Variants in MAP3K10 observed in about 807,000 individuals in gnomAD.
MAP3K10 encodes MKN28 derived nonreceptor_type serine/threonine kinase.
In MAP3K10, 22 loss-of-function variants were observed where a neutral mutation model predicts 75.0. That is an observed-to-expected ratio of 0.29 (90% CI 0.21 to 0.42). The LOEUF (loss-of-function observed/expected upper bound fraction) is 0.42. Among genes scored for constraint, MAP3K10 ranks in the 10% least tolerant of loss-of-function variants. The pLI, the probability that MAP3K10 is intolerant of heterozygous loss-of-function variation, is 1.00. For missense variants in MAP3K10, 1,165 were observed against 1,379.8 expected (o/e 0.84, Z 2.47); for synonymous variants, 599 against 612.9 (o/e 0.98, Z 0.34).
In MAP3K10 at chr19:40,201,490, GC is replaced by G. The variant is rs1397694353; in HGVS notation, c.863+2937del. On this transcript the variant is annotated intron_variant, in intron 2 of 9. Coordinates refer to ENST00000253055, the MANE Select transcript of MAP3K10 (RefSeq NM_002446.4). ...TTACAGGCGTCAGCCACCGCACCCA[GC>G]CTTTTTTTTTTTTTTTTTTTTAACA... Among the ~76,000 whole-genome samples the G allele has an allele frequency of 6.8e-5, 7 of 102,812 alleles. No homozygotes were observed. The East Asian group carries it at 2.0e-3, about 30-fold the overall frequency. The allele number at this position is 102,812 out of a possible 152,430, so 67.4% of individuals were successfully genotyped here.
In MAP3K10 at chr19:40,213,404, T is replaced by A. The variant is rs1973277590; in HGVS notation, c.1838-113T>A. 9 of 1,495,632 alleles carry A rather than the reference T, an allele frequency of 6.0e-6. No homozygotes were observed. In the South Asian group the frequency reaches 1.0e-4, roughly 17 times the overall value. 92.6% of individuals were successfully genotyped at this position (1,495,632 alleles called of 1,614,324 possible). On this transcript the variant is annotated intron_variant, in intron 8 of 9. Transcript: ENST00000253055. This position sits in a 1 kb window ranked among gnomAD's most constrained non-coding sequence, Gnocchi z 5.7. ...CTGGAGACAGATTCAAGAACGATGC[T>A]CGTGGGTCTTGGTCTTGCTGTTGGA...
At chr19:40,210,920 G>A (rs1206215999) in intron 6 of MAP3K10, among the ~76,000 whole-genome samples, 3 of 152,158 alleles carry the variant, frequency 2.0e-5, no homozygotes, top group African/African-American at 7.2e-5. Flanking sequence ...TCTTTACTCA[G>A]TCCACTGATT....
chr19:40,202,861 G>C (rs1973052103), intron 2 of MAP3K10, among the ~76,000 whole-genome samples: 1 of 152,076 alleles, frequency 6.6e-6, no homozygotes, highest in South Asian at 2.1e-4. Context: ...CCAGAACTGT[G>C]GTCATGTGGC....
rs956751297 is a variant in MAP3K10 at position 40,205,547 on chromosome 19, G to A, written c.1188+251G>A. The A allele has an allele frequency of 2.0e-5, 11 of 554,564 alleles. No individual in the cohort carries two copies. The highest frequency in any genetic ancestry group is 3.2e-5 in the Non-Finnish European group (10 of 312,464). 34.4% of individuals were successfully genotyped at this position (554,564 alleles called of 1,614,324 possible). ...GGCTTTAAAATACTACAGCAGAAAC[G>A]AAGAGAGGGCAAGAGGAGAGAAGGA... On this transcript the variant is annotated intron_variant, in intron 4 of 9. Coordinates refer to ENST00000253055, the MANE Select transcript of MAP3K10 (RefSeq NM_002446.4). This position sits in a 1 kb window ranked among gnomAD's most constrained non-coding sequence, Gnocchi z 4.3.
Position 40,213,998 on chromosome 19 carries a change from G to GCCCAGCCCCCCCCCCCCCCCCCCCC in MAP3K10, c.2322_2323insAGCCCCCCCCCCCCCCCCCCCCCCC (p.Ser779ProfsTer81). 6 of 1,521,826 alleles carry GCCCAGCCCCCCCCCCCCCCCCCCCC rather than the reference G, an allele frequency of 3.9e-6. No homozygotes were observed. Among genetic ancestry groups the GCCCAGCCCCCCCCCCCCCCCCCCCC allele is most frequent in the East Asian group, 2.5e-5 (1 of 39,526 alleles). The allele number at this position is 1,521,826 out of a possible 1,614,324, so 94.3% of individuals were successfully genotyped here. A position where few individuals can be genotyped will look rare whatever the true frequency, so the allele number is the denominator to read the frequency against. ...ACAGTGACGAGGCCGCACCGGCCGC[G>GCCCAGCCCCCCCCCCCCCCCCCCCC]CCCTCCCCACCACCCTCCCCGCCCG... On this transcript the variant is annotated frameshift_variant, in exon 9 of 10. Transcript: ENST00000253055. LOFTEE classifies it high-confidence loss of function. The surrounding 1 kb of genome is among the most constrained non-coding windows in gnomAD (Gnocchi z 5.7).
Position 40,214,006 on chromosome 19 carries a change from C to CGCCCGCG in MAP3K10, c.2327_2328insGCCCGCG (p.Pro778AlafsTer76). On this transcript the variant is annotated frameshift_variant, in exon 9 of 10. Coordinates refer to ENST00000253055, the MANE Select transcript of MAP3K10 (RefSeq NM_002446.4). LOFTEE classifies it high-confidence loss of function. ...GAGGCCGCACCGGCCGCGCCCTCCC[C>CGCCCGCG]ACCACCCTCCCCGCCCGCGCCCACA... is the stretch of plus-strand genomic sequence containing the variant. 6.6e-7 allele frequency: 1 copy of CGCCCGCG among 1,505,084 alleles called. No individual in the cohort carries two copies. Among genetic ancestry groups the CGCCCGCG allele is most frequent in the African/African-American group, 1.4e-5 (1 of 69,142 alleles). 93.2% of individuals were successfully genotyped at this position (1,505,084 alleles called of 1,614,324 possible).
In MAP3K10 at chr19:40,214,093, A is replaced by G; in HGVS notation, c.2414A>G (p.Asp805Gly). 1.3e-6 allele frequency: 2 copies of G among 1,510,092 alleles called. No homozygotes were observed. Among genetic ancestry groups the G allele is most frequent in the Non-Finnish European group, 1.8e-6 (2 of 1,133,480 alleles). 93.5% of individuals were successfully genotyped at this position (1,510,092 alleles called of 1,614,324 possible). A position where few individuals can be genotyped will look rare whatever the true frequency, so the allele number is the denominator to read the frequency against. The change falls in exon 9 of 10, where the codon GAC becomes GGC. Residue 805 changes from aspartate to glycine, a missense_variant. Physicochemically the swap from Asp to Gly is moderately conservative, Grantham distance 94. Coordinates refer to ENST00000253055, the MANE Select transcript of MAP3K10 (RefSeq NM_002446.4). ...CTGGAGCTGGAGAGCTTCAAGAAGG[A>G]CCCCCGCCAGTCGCTCACGCCCACC... ...VDLELESFKK[D>G]PRQSLTPTHV...
In MAP3K10 at chr19:40,215,206, G is replaced by C. The variant is rs200643469; in HGVS notation, c.2779G>C (p.Val927Leu). 1 of 1,579,102 alleles carries C rather than the reference G, an allele frequency of 6.3e-7. No homozygotes were observed. The highest frequency in any genetic ancestry group is 8.6e-7 in the Non-Finnish European group (1 of 1,163,462). ...DTPESPGPPS[V>L]QPTLLDMDME... ...TCCGGAGAGCCCTGGGCCCCCCAGC[G>C]TGCAGCCCACACTGCTGGACATGGA... is the stretch of plus-strand genomic sequence containing the variant. The change falls in exon 10 of 10, where the codon GTG (valine) becomes CTG (leucine). Residue 927 changes from valine to leucine, a missense_variant. By Grantham distance (32) the Val-to-Leu change is conservative (BLOSUM62 1). Coordinates refer to ENST00000253055, the MANE Select transcript of MAP3K10 (RefSeq NM_002446.4).
At chr19:40,211,787 G>A (rs191723412) in intron 6 of MAP3K10, among the ~76,000 whole-genome samples, 7 of 152,188 alleles carry the variant, frequency 4.6e-5, no homozygotes, top group Admixed American at 1.3e-4. Flanking sequence ...GCAATGGTGC[G>A]ATCTCAACTC....
At chr19:40,203,565 T>C (rs1374851505) in intron 2 of MAP3K10, among the ~76,000 whole-genome samples, 1 of 152,156 alleles carries the variant, frequency 6.6e-6, no homozygotes, top group Non-Finnish European at 1.5e-5. Context: ...CAAGTGTGGC[T>C]CCACCACTCA....
intron 1 of MAP3K10, among the ~76,000 whole-genome samples, chr19:40,193,727 A>C (rs578163270): frequency 7.9e-5 from 12 of 151,454 alleles, no homozygotes; most frequent in Admixed American, 4.6e-4. Context: ...GCCCCATCTC[A>C]CTCCCTTTCA....
intron 6 of MAP3K10, among the ~76,000 whole-genome samples, chr19:40,211,537 C>G (rs1973241020): frequency 6.6e-6 from 1 of 151,018 alleles, no homozygotes; most frequent in Non-Finnish European, 1.5e-5. Context: ...CCCACCCTAC[C>G]CCCCAACAGG....
rs1233976202 is a variant in MAP3K10, at chr19:40,214,000, C to A, written c.2321C>A (p.Pro774His). 7 of 1,517,952 alleles carry A rather than the reference C, an allele frequency of 4.6e-6. No homozygotes were observed. The highest frequency in any genetic ancestry group is 4.4e-6 in the Non-Finnish European group (5 of 1,139,078). The allele number at this position is 1,517,952 out of a possible 1,614,324, so 94.0% of individuals were successfully genotyped here. A position where few individuals can be genotyped will look rare whatever the true frequency, so the allele number is the denominator to read the frequency against. Residue 774 changes from proline (P) to histidine (H), a missense_variant, in exon 9 of 10, where the codon CCC becomes CAC. Coordinates refer to ENST00000253055, the MANE Select transcript of MAP3K10 (RefSeq NM_002446.4). The surrounding 1 kb of genome is among the most constrained non-coding windows in gnomAD (Gnocchi z 5.7). ...SDSDEAAPAAPSPPPSPPAPT... is the reference protein window; with the variant it reads ...SDSDEAAPAAHSPPPSPPAPT... ...AGTGACGAGGCCGCACCGGCCGCGCCCTCCCCACCACCCTCCCCGCCCGCG... is the reference window on the plus strand; with the variant it reads ...AGTGACGAGGCCGCACCGGCCGCGCACTCCCCACCACCCTCCCCGCCCGCG...
Position 40,191,637 on chromosome 19 carries a change from G to T in MAP3K10, c.-395G>T. 1 of 150,552 alleles carries T rather than the reference G, an allele frequency of 6.6e-6. No homozygotes were observed. The highest frequency in any genetic ancestry group is 2.1e-4 in the South Asian group (1 of 4,802). The allele number at this position is 150,552 out of a possible 1,614,324, so 9.3% of individuals were successfully genotyped here. A position where few individuals can be genotyped will look rare whatever the true frequency, so the allele number is the denominator to read the frequency against. On this transcript the variant is annotated 5_prime_UTR_variant, in exon 1 of 10. Transcript: ENST00000253055. Reference sequence around the variant, plus strand: ...CAGTCGTGGCCCGGGATGCGGAGCCGGGGGCCGCCGGTGGAGCTGCGCGGG... The same window carrying T: ...CAGTCGTGGCCCGGGATGCGGAGCCTGGGGCCGCCGGTGGAGCTGCGCGGG...
chr19:40,192,003 G>A lies in MAP3K10; in HGVS notation c.-29G>A. 1.5e-6 allele frequency: 2 copies of A among 1,373,454 alleles called. No homozygotes were observed. The highest frequency in any genetic ancestry group is 1.9e-6 in the Non-Finnish European group (2 of 1,057,826). 85.1% of individuals were successfully genotyped at this position (1,373,454 alleles called of 1,614,324 possible). On this transcript the variant is annotated 5_prime_UTR_variant, in exon 1 of 10. Coordinates refer to ENST00000253055, the MANE Select transcript of MAP3K10 (RefSeq NM_002446.4). The surrounding 1 kb of genome is among the most constrained non-coding windows in gnomAD (Gnocchi z 7.1). The stretch of plus-strand genomic sequence containing the variant: ...ATCCCGCGGGCAGCCTGTGTGAAGC[G>A]GCCTCCCGCAGCCCCCGGCCCCTCC...
At chr19:40,211,719 A>G (rs1418511212) in intron 6 of MAP3K10, among the ~76,000 whole-genome samples, 1 of 151,790 alleles carries the variant, frequency 6.6e-6, no homozygotes, top group Non-Finnish European at 1.5e-5. Flanking sequence ...GTTCCTTTTT[A>G]TGGCTGCATA....
At chr19:40,214,368 A>G (rs1334792943) in intron 9 of MAP3K10, 147 bp downstream of exon 9, 1 of 1,010,108 alleles carries the variant, frequency 9.9e-7, no homozygotes, top group Non-Finnish European at 1.3e-6. Flanking sequence ...TTTACCGCTC[A>G]CTCCTGGAGG....
chr19:40,192,278 G>A lies in MAP3K10; in HGVS notation c.247G>A (p.Ala83Thr), dbSNP rs1972832793. The A allele has an allele frequency of 6.3e-7, 1 of 1,590,226 alleles. No individual in the cohort carries two copies. Among genetic ancestry groups the A allele is most frequent in the African/African-American group, 1.3e-5 (1 of 74,590 alleles). ...SNYVAPGAPA[A>T]PAGLQLPQEI... ...CTACGTGGCCCCCGGCGCCCCCGCT[G>A]CACCCGCGGGCCTCCAGCTGCCCCA... Residue 83 changes from alanine to threonine, a missense_variant, in exon 1 of 10, where the codon GCA becomes ACA. Coordinates refer to ENST00000253055, the MANE Select transcript of MAP3K10 (RefSeq NM_002446.4). The surrounding 1 kb of genome is among the most constrained non-coding windows in gnomAD (Gnocchi z 7.1).
In MAP3K10 at chr19:40,204,687, G is replaced by A; in HGVS notation, c.1012+54G>A. The A allele has an allele frequency of 6.3e-7, 1 of 1,586,066 alleles. No individual in the cohort carries two copies. Among genetic ancestry groups the A allele is most frequent in the Non-Finnish European group, 8.6e-7 (1 of 1,164,906 alleles). On this transcript the variant is annotated intron_variant, in intron 3 of 9. Coordinates refer to ENST00000253055, the MANE Select transcript of MAP3K10 (RefSeq NM_002446.4). This position sits in a 1 kb window ranked among gnomAD's most constrained non-coding sequence, Gnocchi z 4.3. ...GCTCAGCTTGGAGTGGCAGGGACCT[G>A]TGGGCCCAGACCTTTCCCCTTCACA...
Sources: gnomAD v4.1 joint callset for allele counts (sites outside exome capture counted in the v4.1 genomes callset) on GRCh38, gnomAD v4.1.1 for gene constraint, Gnocchi (gnomAD v3.1) non-coding constraint, MANE v1.5 for transcripts, NCBI Gene and HGNC (gene_info 2026-07-23, HGNC 2026-07-21) for gene names.